EPHA7: variants seen among roughly 807,000 people sequenced by gnomAD.
EPHA7 encodes ephrin type-A receptor 7.
Under a neutral mutation model 112.6 loss-of-function variants are expected in EPHA7, and 25 were observed. The observed-to-expected ratio is 0.22, with a 90% CI of 0.16 to 0.31. The LOEUF (loss-of-function observed/expected upper bound fraction) is 0.31, where lower values mean the gene tolerates loss of function less well. Among genes scored for constraint, EPHA7 ranks in the 10% least tolerant of loss-of-function variants. The probability of loss-of-function intolerance (pLI) is 1.00; values close to 1 mark genes in which losing one functional copy is unlikely to be tolerated. For missense variants in EPHA7, 962 were observed against 1,212.6 expected (o/e 0.79, Z 3.07); for synonymous variants, 437 against 406.5 (o/e 1.07, Z -0.90).
At chr6:93,399,670 C>G (rs556577360) in intron 3 of EPHA7, among the ~76,000 whole-genome samples, 1 of 151,718 alleles carries the variant, frequency 6.6e-6, no homozygotes, top group Non-Finnish European at 1.5e-5. Context: ...CTTGTTGGCT[C>G]TGTGTGTGTG....
intron 14 of EPHA7, among the ~76,000 whole-genome samples, chr6:93,249,915 A>C (rs1046418265): frequency 3.3e-5 from 5 of 152,152 alleles, no homozygotes; most frequent in Non-Finnish European, 7.4e-5. Flanking sequence ...AGGACCATTA[A>C]ATGATTATTA....
At chr6:93,310,931 C>T (rs1442355137) in intron 5 of EPHA7, among the ~76,000 whole-genome samples, 1 of 151,772 alleles carries the variant, frequency 6.6e-6, no homozygotes. Flanking sequence ...ATTGACACTT[C>T]CTTTTGTGAA....
At chr6:93,252,614 A>T (rs1297465284) in intron 14 of EPHA7, among the ~76,000 whole-genome samples, 1 of 151,860 alleles carries the variant, frequency 6.6e-6, no homozygotes, top group East Asian at 1.9e-4. Flanking sequence ...ATTTTTCTCC[A>T]TTTGCATATT....
At chr6:93,274,061 T>C (rs1771355928) in intron 5 of EPHA7, among the ~76,000 whole-genome samples, 1 of 152,000 alleles carries the variant, frequency 6.6e-6, no homozygotes, top group African/African-American at 2.4e-5. Context: ...ACATACTGAG[T>C]TACCCAGGAG....
chr6:93,250,818 T>G (rs1770175655), intron 14 of EPHA7, among the ~76,000 whole-genome samples: 1 of 152,126 alleles, frequency 6.6e-6, no homozygotes, highest in Admixed American at 6.6e-5. Context: ...ATCTAAATAG[T>G]TCCCAGAGGA....
At chr6:93,280,775 T>C (rs1255275076) in intron 5 of EPHA7, among the ~76,000 whole-genome samples, 1 of 152,116 alleles carries the variant, frequency 6.6e-6, no homozygotes, top group Admixed American at 6.5e-5. Context: ...TAAATAAATG[T>C]TAAATATTTA....
rs1774323727 is a variant in EPHA7 at position 93,326,420 on chromosome 6, T to G, written c.1324+30297A>C. ...TATAAAATATACGAAGATAGTTTCT[T>G]GTGTTAACTGTTAAATATCTAATGA... On this transcript the variant is annotated intron_variant, in intron 5 of 16. Transcript: ENST00000369303. Among the ~76,000 whole-genome samples, 6 of 151,504 alleles carry G rather than the reference T, an allele frequency of 4.0e-5. No homozygotes were observed. In the South Asian group the frequency reaches 1.2e-3, roughly 31 times the overall value.
intron 5 of EPHA7, among the ~76,000 whole-genome samples, chr6:93,296,624 CA>C (rs1359609015): frequency 7.3e-5 from 11 of 151,172 alleles, no homozygotes; most frequent in African/African-American, 2.7e-4. Context: ...ATCTTGCTTA[CA>C]CGTGGAATCT....
chr6:93,339,589 T>A (rs57171098), intron 5 of EPHA7, among the ~76,000 whole-genome samples: 15,052 of 151,822 alleles, frequency 0.099, 754 homozygotes, highest in South Asian at 0.16. Context: ...TTGATCAACC[T>A]GGGATTCAAA....
At chr6:93,245,721 A>G (rs1053568700) in intron 15 of EPHA7, among the ~76,000 whole-genome samples, 1 of 152,216 alleles carries the variant, frequency 6.6e-6, no homozygotes, top group Non-Finnish European at 1.5e-5. Flanking sequence ...CAATATTTGG[A>G]ATCAGTAAAT....
At chr6:93,259,627 A>G in intron 9 of EPHA7, 148 bp from the exon 10 acceptor site, 1 of 879,446 alleles carries the variant, frequency 1.1e-6, no homozygotes, top group Non-Finnish European at 1.8e-6. Context: ...AGACTACTTC[A>G]GTCTGCTGGC....
chr6:93,265,161 T>C (rs1358933854), intron 7 of EPHA7, among the ~76,000 whole-genome samples: 1 of 151,576 alleles, frequency 6.6e-6, no homozygotes, highest in Admixed American at 6.6e-5. Flanking sequence ...ATCTCTCATA[T>C]CATCAATTAA....
At chr6:93,274,854 A>G (rs963675148) in intron 5 of EPHA7, among the ~76,000 whole-genome samples, 2 of 151,922 alleles carry the variant, frequency 1.3e-5, no homozygotes, top group Non-Finnish European at 1.5e-5. Flanking sequence ...CTCACAGGAT[A>G]TACAGCTTAT....
intron 5 of EPHA7, among the ~76,000 whole-genome samples, chr6:93,348,957 T>C (rs979549197): frequency 2.6e-5 from 4 of 151,796 alleles, no homozygotes; most frequent in Non-Finnish European, 5.9e-5. Flanking sequence ...TACAAATATA[T>C]GATACACTTA....
intron 16 of EPHA7, among the ~76,000 whole-genome samples, chr6:93,244,409 G>C (rs1769850568): frequency 6.6e-6 from 1 of 152,054 alleles, no homozygotes; most frequent in Admixed American, 6.5e-5. Context: ...TTGATTGCTG[G>C]TCTTCATCTC....
chr6:93,374,006 G>T (rs921168404), intron 3 of EPHA7, among the ~76,000 whole-genome samples: 2 of 151,944 alleles, frequency 1.3e-5, no homozygotes, highest in Non-Finnish European at 2.9e-5. Context: ...CATGTCAGAA[G>T]AATTATTAAG....
chr6:93,358,848 C>G (rs559883236), intron 3 of EPHA7, among the ~76,000 whole-genome samples: 21 of 152,140 alleles, frequency 1.4e-4, no homozygotes, highest in African/African-American at 4.8e-4. Context: ...TGATTTGGTT[C>G]ATGTTGAAAA....
intron 3 of EPHA7, among the ~76,000 whole-genome samples, chr6:93,362,180 G>A (rs1776294432): frequency 6.6e-6 from 1 of 151,848 alleles, no homozygotes; most frequent in Non-Finnish European, 1.5e-5. Context: ...CATATGTTAA[G>A]CAAGTTTTTG....
chr6:93,296,730 G>A (rs1455894576), intron 5 of EPHA7, among the ~76,000 whole-genome samples: 3 of 151,720 alleles, frequency 2.0e-5, no homozygotes, highest in Non-Finnish European at 4.4e-5. Context: ...CAGGTCAGAG[G>A]CTAGAAAGCA....
Sources: allele counts gnomAD v4.1 joint callset (sites outside exome capture counted in the v4.1 genomes callset), GRCh38; gene constraint gnomAD v4.1.1; transcripts MANE v1.5; gene names NCBI Gene and HGNC (gene_info 2026-07-23, HGNC 2026-07-21).